Variants in HDAC4 observed in about 807,000 individuals in gnomAD.
The protein encoded by HDAC4 is histone deacetylase A.
In HDAC4, 16 loss-of-function variants were observed where a neutral mutation model predicts 135.1. The ratio of observed to expected loss-of-function variants is 0.12; its 90% CI spans 0.08 to 0.18. HDAC4 has a LOEUF of 0.18. Among genes scored for constraint, HDAC4 ranks in the 10% least tolerant of loss-of-function variants. The pLI is 1.00. For synonymous variants in HDAC4, 685 were observed against 653.4 expected, an observed-to-expected ratio of 1.05 and a Z score of -0.74; for missense variants, 1,143 against 1,511.8, an observed-to-expected ratio of 0.76 and a Z score of 4.05.
intron 22 of HDAC4, among the ~76,000 whole-genome samples, chr2:239,071,155 C>T (rs578003907): frequency 4.3e-4 from 65 of 152,092 alleles, no homozygotes; most frequent in African/African-American, 1.4e-3. Flanking sequence ...CGGTGGCTCA[C>T]GCCAGTAATC....
intron 1 of HDAC4, among the ~76,000 whole-genome samples, chr2:239,377,307 G>A (rs2126036813): frequency 6.6e-6 from 1 of 152,332 alleles, no homozygotes; most frequent in Non-Finnish European, 1.5e-5. Flanking sequence ...CACAGGTGCT[G>A]GCTCACAGGC....
At chr2:239,322,441 G>C (rs759339765) in intron 2 of HDAC4, among the ~76,000 whole-genome samples, 1 of 152,240 alleles carries the variant, frequency 6.6e-6, no homozygotes, top group South Asian at 2.1e-4. Flanking sequence ...CCATCCGTAG[G>C]CTGTTGTGGG....
chr2:239,385,970 A>C (rs759404507), intron 1 of HDAC4, among the ~76,000 whole-genome samples: 16 of 152,162 alleles, frequency 1.1e-4, no homozygotes, highest in Non-Finnish European at 2.2e-4. Context: ...GGTGTGCCCT[A>C]AACAAGGGCT....
chr2:239,048,605 T>C lies in HDAC4; in HGVS notation c.*4492A>G, dbSNP rs1002804505. 8.2e-6 allele frequency: 1 copy of C among 121,350 alleles called. No individual in the cohort carries two copies. Among genetic ancestry groups the C allele is most frequent in the African/African-American group, 2.9e-5 (1 of 34,702 alleles). The allele number at this position is 121,350 out of a possible 1,614,324, so 7.5% of individuals were successfully genotyped here. ...GATAGATAGATAGATTATATATGTT[T>C]GTCATTCTCATCAATTGGAAAATAG... is the stretch of plus-strand genomic sequence containing the variant. On this transcript the variant is annotated 3_prime_UTR_variant, in exon 27 of 27. Coordinates refer to ENST00000543185, the MANE Select transcript of HDAC4 (RefSeq NM_001378414.1).
chr2:239,082,438 G>T (rs2152688644), intron 20 of HDAC4, among the ~76,000 whole-genome samples: 1 of 152,370 alleles, frequency 6.6e-6, no homozygotes, highest in African/African-American at 2.4e-5. Context: ...AAGGGCCAAT[G>T]TTCGCGTCTG....
chr2:239,282,546 T>G (rs2050849782), intron 2 of HDAC4, among the ~76,000 whole-genome samples: 1 of 142,096 alleles, frequency 7.0e-6, no homozygotes, highest in African/African-American at 2.7e-5. Flanking sequence ...CCACTCTCAA[T>G]GTACACACCA....
At chr2:239,396,070 AG>A (rs1466482968) in intron 1 of HDAC4, among the ~76,000 whole-genome samples, 1 of 151,990 alleles carries the variant, frequency 6.6e-6, no homozygotes, top group Non-Finnish European at 1.5e-5. Flanking sequence ...TTGACTTTCC[AG>A]GCTCACGTGA....
At chr2:239,321,612 G>T (rs1373565346) in intron 2 of HDAC4, among the ~76,000 whole-genome samples, 3 of 152,074 alleles carry the variant, frequency 2.0e-5, no homozygotes, top group Non-Finnish European at 2.9e-5. Context: ...ACCTAACTGG[G>T]TCCTTTGTGG....
intron 6 of HDAC4, chr2:239,162,383 G>A (rs1559536935): frequency 2.2e-6 from 1 of 454,340 alleles, no homozygotes; most frequent in Admixed American, 2.4e-5. Context: ...TTGGGCCCCA[G>A]GGGCACCATC....
chr2:239,133,813 T>A (rs2040760052), intron 11 of HDAC4, among the ~76,000 whole-genome samples: 1 of 152,196 alleles, frequency 6.6e-6, no homozygotes, highest in Admixed American at 6.5e-5. Context: ...GCTGTTGCTA[T>A]GTAATTTCAT....
At chr2:239,150,260 T>C (rs1295441981) in intron 7 of HDAC4, among the ~76,000 whole-genome samples, 2 of 149,828 alleles carry the variant, frequency 1.3e-5, no homozygotes, top group Non-Finnish European at 3.0e-5. Flanking sequence ...GACATACAGA[T>C]ACACACACAG....
intron 1 of HDAC4, among the ~76,000 whole-genome samples, chr2:239,387,839 TG>T (rs1011545159): frequency 3.2e-4 from 48 of 152,200 alleles, no homozygotes; most frequent in African/African-American, 1.1e-3. Flanking sequence ...GCCTCCTGCC[TG>T]GGGCTCATGG....
At position 239,308,204 on chromosome 2, in the gene HDAC4, A is replaced by G. The variant is rs562595137; in HGVS notation, c.22+44474T>C. On this transcript the variant is annotated intron_variant, in intron 2 of 26. Coordinates refer to ENST00000543185, the MANE Select transcript of HDAC4 (RefSeq NM_001378414.1). This position sits in a 1 kb window ranked among gnomAD's most constrained non-coding sequence, Gnocchi z 4.2. ...AGCGTGCAGGAAGCCCTCCTTGACG[A>G]TGAGCTATCAGCTTAGGGACAAGAG... Among the ~76,000 whole-genome samples, 3 of 152,210 alleles carry G rather than the reference A, an allele frequency of 2.0e-5. No individual in the cohort carries two copies. The highest frequency in any genetic ancestry group is 3.4e-3 in the Middle Eastern group (1 of 294).
intron 3 of HDAC4, among the ~76,000 whole-genome samples, chr2:239,217,226 G>A (rs910910306): frequency 3.3e-5 from 5 of 152,104 alleles, no homozygotes; most frequent in African/African-American, 7.2e-5. Flanking sequence ...CATCGCTCCC[G>A]GAAGCTCTCC....
intron 5 of HDAC4, 75 bp downstream of exon 5, chr2:239,176,338 C>G (rs1353349295): frequency 1.7e-6 from 1 of 576,078 alleles, no homozygotes; most frequent in East Asian, 5.8e-5. Context: ...CTCCCTCTGC[C>G]CAGCCTTCCG....
chr2:239,273,504 T>G (rs534774049), intron 2 of HDAC4, among the ~76,000 whole-genome samples: 1 of 152,158 alleles, frequency 6.6e-6, no homozygotes, highest in African/African-American at 2.4e-5. Context: ...GATTCAGGAG[T>G]GAGTGTCTTG....
intron 22 of HDAC4, among the ~76,000 whole-genome samples, chr2:239,072,511 G>A (rs1289061912): frequency 6.6e-6 from 1 of 152,062 alleles, no homozygotes; most frequent in Non-Finnish European, 1.5e-5. Flanking sequence ...GTGTCCCCAC[G>A]GCCTCCCCAG....
intron 1 of HDAC4, among the ~76,000 whole-genome samples, chr2:239,363,570 C>A (rs1693991936): frequency 1.3e-5 from 2 of 152,198 alleles, no homozygotes; most frequent in African/African-American, 4.8e-5. Context: ...TACAGCCCGC[C>A]ATGATGGAAA....
chr2:239,068,436 G>C lies in HDAC4; in HGVS notation c.2869+53C>G. 7.9e-7 allele frequency: 1 copy of C among 1,273,640 alleles called. No homozygotes were observed. Among genetic ancestry groups the C allele is most frequent in the South Asian group, 1.2e-5 (1 of 84,368 alleles). The allele number at this position is 1,273,640 out of a possible 1,614,324, so 78.9% of individuals were successfully genotyped here. ...GGGGACCTGACACGCGGAACACAGC[G>C]GATCATGGACATGAGCAGAACCGGC... On this transcript the variant is annotated intron_variant, in intron 23 of 26. Coordinates refer to ENST00000543185, the MANE Select transcript of HDAC4 (RefSeq NM_001378414.1). The surrounding 1 kb of genome is among the most constrained non-coding windows in gnomAD (Gnocchi z 4.4).
Sources: gnomAD v4.1 joint callset for allele counts (sites outside exome capture counted in the v4.1 genomes callset) on GRCh38, gnomAD v4.1.1 for gene constraint, Gnocchi (gnomAD v3.1) non-coding constraint, MANE v1.5 for transcripts, NCBI Gene and HGNC (gene_info 2026-07-23, HGNC 2026-07-21) for gene names.